ABCC11: variants seen among roughly 807,000 people sequenced by gnomAD.
The protein encoded by ABCC11 is ATP binding cassette subfamily C member 11.
Under a neutral mutation model 149.3 loss-of-function variants are expected in ABCC11, and 135 were observed. The observed-to-expected ratio is 0.90, with a 90% CI of 0.79 to 1.04. ABCC11 has a LOEUF of 1.04. Ranked by LOEUF, ABCC11 falls within the 50% of genes least tolerant of loss-of-function variation. The pLI, the probability that ABCC11 is intolerant of heterozygous loss-of-function variation, is 0.00. For missense variants in ABCC11, 1,680 were observed against 1,722.1 expected, an observed-to-expected ratio of 0.98 and a Z score of 0.43; for synonymous variants, 665 against 671.4, an observed-to-expected ratio of 0.99 and a Z score of 0.15.
In ABCC11 at chr16:48,223,921, C is replaced by T. The variant is rs1969909759; in HGVS notation, c.543+361G>A. On this transcript the variant is annotated intron_variant, in intron 5 of 29. Transcript: ENST00000356608. ...TATACTTATCTCATTTAATGTTACC[C>T]TATGAGGCAGCTCTCCATTTTACAT... is the stretch of plus-strand genomic sequence containing the variant. Among the ~76,000 whole-genome samples the T allele has an allele frequency of 1.3e-5, 2 of 152,292 alleles. 1 individual carries two copies. The highest frequency in any genetic ancestry group is 2.9e-5 in the Non-Finnish European group (2 of 68,022).
At chr16:48,173,122 T>G (rs989856881) in intron 26 of ABCC11, among the ~76,000 whole-genome samples, 1 of 152,244 alleles carries the variant, frequency 6.6e-6, no homozygotes, top group African/African-American at 2.4e-5. Flanking sequence ...GGTATACTCC[T>G]TTCTTATCAG....
At position 48,198,005 on chromosome 16, in the gene ABCC11, G is replaced by A; in HGVS notation, c.2280C>T (p.Ala760=). 6.2e-7 allele frequency: 1 copy of A among 1,614,156 alleles called. No individual in the cohort carries two copies. Among genetic ancestry groups the A allele is most frequent in the Non-Finnish European group, 8.5e-7 (1 of 1,180,036 alleles). ...CGTTGAGAGACTCTTCCAGGGAGGT[G>A]GCCAGAGCCTGACTTTCTACCTTTG... ...EKPKVESQAL[A]TSLEESLNGN... The change falls in exon 17 of 30, where the codon GCC becomes GCT. Residue 760 remains alanine, a synonymous_variant. Transcript: ENST00000356608.
At chr16:48,187,123 C>T (rs529208406) in intron 21 of ABCC11, 33 bp from the exon 22 acceptor site, 10 of 1,613,826 alleles carry the variant, frequency 6.2e-6, no homozygotes, top group South Asian at 3.3e-5. Context: ...GGACCTGGAC[C>T]GTCCACCTCT....
chr16:48,235,438 C>T (rs562006420), intron 1 of ABCC11, among the ~76,000 whole-genome samples: 10 of 152,284 alleles, frequency 6.6e-5, no homozygotes, highest in East Asian at 1.9e-4. Flanking sequence ...AGGAAACTAA[C>T]GACATGGAAA....
At position 48,216,244 on chromosome 16, in the gene ABCC11, C is replaced by T; in HGVS notation, c.821G>A (p.Gly274Glu). 1 of 1,613,960 alleles carries T rather than the reference C, an allele frequency of 6.2e-7. No individual in the cohort carries two copies. The highest frequency in any genetic ancestry group is 2.2e-5 in the East Asian group (1 of 44,890). The change falls in exon 7 of 30, where the codon GGG becomes GAG. Residue 274 changes from glycine to glutamate, a missense_variant. Gly to Glu is a moderately conservative substitution (Grantham distance 98). Coordinates refer to ENST00000356608, the MANE Select transcript of ABCC11 (RefSeq NM_001370497.1). ...CAGTACTAGGGGTCCATAGCACACCCCTTCAAACAGGTAGTTTACATCACC... is the reference window on the plus strand; with the variant it reads ...CAGTACTAGGGGTCCATAGCACACCTCTTCAAACAGGTAGTTTACATCACC... ...FTGDVNYLFE[G>E]VCYGPLVLIT... is the part of the protein sequence containing the mutation.
chr16:48,206,719 G>A (rs1968480403), intron 12 of ABCC11, among the ~76,000 whole-genome samples: 1 of 152,230 alleles, frequency 6.6e-6, no homozygotes, highest in Admixed American at 6.5e-5. Flanking sequence ...CAATGCTGCT[G>A]TGATGTAGAA....
chr16:48,184,643 A>G lies in ABCC11; in HGVS notation c.3072-17T>C. ...CTCTTAAACCTGAGAAGGAAAGCAC[A>G]GACTAAGAACCATGTGTTTGTCTGA... On this transcript the variant is annotated splice_polypyrimidine_tract_variant and intron_variant, in intron 22 of 29. Coordinates refer to ENST00000356608, the MANE Select transcript of ABCC11 (RefSeq NM_001370497.1). 1.9e-6 allele frequency: 3 copies of G among 1,611,366 alleles called. No individual in the cohort carries two copies. Among genetic ancestry groups the G allele is most frequent in the Non-Finnish European group, 2.5e-6 (3 of 1,178,364 alleles).
chr16:48,181,116 G>A (rs150720230), intron 23 of ABCC11, among the ~76,000 whole-genome samples: 10 of 152,230 alleles, frequency 6.6e-5, no homozygotes, highest in African/African-American at 9.6e-5. Context: ...CGCCCTGAGC[G>A]TTGCCCTCCT....
intron 26 of ABCC11, among the ~76,000 whole-genome samples, chr16:48,172,427 CTT>C (rs566472502): frequency 5.4e-4 from 74 of 137,320 alleles, no homozygotes; most frequent in Middle Eastern, 3.8e-3. Flanking sequence ...CTATGTTTAA[CTT>C]TTTTTTTTTT....
At chr16:48,204,477 T>C (rs1371117046) in intron 13 of ABCC11, among the ~76,000 whole-genome samples, 1 of 152,098 alleles carries the variant, frequency 6.6e-6, no homozygotes, top group Admixed American at 6.5e-5. Flanking sequence ...CGGTGACCAA[T>C]TACCAATTAG....
Position 48,216,234 on chromosome 16 carries a change from A to G in ABCC11, c.831T>C (p.Tyr277=). The G allele has an allele frequency of 1.2e-6, 2 of 1,614,126 alleles. No individual in the cohort carries two copies. Among genetic ancestry groups the G allele is most frequent in the Non-Finnish European group, 1.7e-6 (2 of 1,179,980 alleles). The stretch of plus-strand genomic sequence containing the variant: ...CGCAGGTGATCAGTACTAGGGGTCC[A>G]TAGCACACCCCTTCAAACAGGTAGT... ...DVNYLFEGVC[Y]GPLVLITCAS... is the part of the protein sequence containing the mutation. The change falls in exon 7 of 30, where the codon TAT becomes TAC. Residue 277 remains tyrosine, a synonymous_variant. Transcript: ENST00000356608.
intron 6 of ABCC11, among the ~76,000 whole-genome samples, chr16:48,218,416 C>T (rs578246046): frequency 1.2e-4 from 19 of 152,328 alleles, no homozygotes; most frequent in African/African-American, 2.4e-4. Flanking sequence ...AGTTACTCCA[C>T]GTCTCTGTGC....
At chr16:48,168,967 T>A (rs942153832) in intron 28 of ABCC11, among the ~76,000 whole-genome samples, 3 of 152,116 alleles carry the variant, frequency 2.0e-5, no homozygotes, top group Non-Finnish European at 4.4e-5. Context: ...AGATGATGGG[T>A]TGATGGGTGC....
Position 48,211,195 on chromosome 16 carries a change from A to G in ABCC11, c.1361T>C (p.Phe454Ser), listed in dbSNP as rs1228044759. The change falls in exon 11 of 30, where the codon TTT becomes TCT. Residue 454 changes from phenylalanine to serine, a missense_variant. Transcript: ENST00000356608. ...GAAAACAGGGCTCTCCTGGAGGAAA[A>G]ACTTCTGTAAAGACAGAAAAAAATA... ...SKSAVMRFKK[F>S]FLQESPVFYV... 2 of 1,613,630 alleles carry G rather than the reference A, an allele frequency of 1.2e-6. No homozygotes were observed. Among genetic ancestry groups the G allele is most frequent in the South Asian group, 1.1e-5 (1 of 91,078 alleles).
At chr16:48,184,928 A>G (rs887467957) in intron 22 of ABCC11, among the ~76,000 whole-genome samples, 38 of 152,348 alleles carry the variant, frequency 2.5e-4, no homozygotes, top group African/African-American at 8.2e-4. Context: ...AATTGGCCAC[A>G]GAGAGTGAAT....
chr16:48,190,320 G>T (rs997495070), intron 20 of ABCC11, among the ~76,000 whole-genome samples: 2 of 151,964 alleles, frequency 1.3e-5, no homozygotes, highest in African/African-American at 2.4e-5. Context: ...TGAGAGAGAG[G>T]AATGACATTT....
chr16:48,184,568 G>A lies in ABCC11; in HGVS notation c.3130C>T (p.Arg1044Ter), dbSNP rs374870876. 11 of 1,614,140 alleles carry A rather than the reference G, an allele frequency of 6.8e-6. No homozygotes were observed. The highest frequency in any genetic ancestry group is 3.3e-5 in the Admixed American group (2 of 60,016). The stretch of plus-strand genomic sequence containing the variant: ...ATCTCCAGCCTCAATGCCATCCATC[G>A]TGTGGAAGATAGAAACAACAGCAGG... The part of the protein sequence containing the change: ...NYLLLFLSST[R>*]WMALRLEIMT... Residue 1044 changes from arginine to a stop codon, truncating the protein, a stop_gained, in exon 23 of 30, where the codon CGA (arginine) becomes TGA (stop). Coordinates refer to ENST00000356608, the MANE Select transcript of ABCC11 (RefSeq NM_001370497.1). LOFTEE classifies it high-confidence loss of function.
rs1025347641 is a variant in ABCC11, at chr16:48,166,510, CT to C, written c.*763del. ...CTTTCTGTTACAAGACCAACAAACTCTTTTTTTTTTCCAAAGTTAGTTTGAG... is the reference window on the plus strand; with the variant it reads ...CTTTCTGTTACAAGACCAACAAACTCTTTTTTTTTCCAAAGTTAGTTTGAG... On this transcript the variant is annotated 3_prime_UTR_variant, in exon 30 of 30. Transcript: ENST00000356608. Among the ~76,000 whole-genome samples, 18 of 150,536 alleles carry C rather than the reference CT, an allele frequency of 1.2e-4. No individual in the cohort carries two copies. Among genetic ancestry groups the C allele is most frequent in the South Asian group, 2.1e-4 (1 of 4,760 alleles).
chr16:48,223,229 G>A (rs1447008624), intron 5 of ABCC11, among the ~76,000 whole-genome samples: 1 of 152,236 alleles, frequency 6.6e-6, no homozygotes, highest in African/African-American at 2.4e-5. Flanking sequence ...GCAGGAAGAG[G>A]TTCTGTGGCC....
Sources: allele counts gnomAD v4.1 joint callset (sites outside exome capture counted in the v4.1 genomes callset), GRCh38; gene constraint gnomAD v4.1.1; transcripts MANE v1.5; gene names NCBI Gene and HGNC (gene_info 2026-07-23, HGNC 2026-07-21).